TAOK3: variants seen among roughly 807,000 people sequenced by gnomAD.
TAOK3 encodes TAO kinase 3, also known as serine/threonine-protein kinase TAO3.
TAOK3 carries 40 observed loss-of-function variants against 120.4 expected under a neutral mutation model. The observed-to-expected ratio is 0.33, with a 90% CI of 0.26 to 0.43. The LOEUF (loss-of-function observed/expected upper bound fraction) is 0.43, where lower values mean the gene tolerates loss of function less well. TAOK3 is among the 20% of genes least tolerant of loss of function. The probability of loss-of-function intolerance (pLI) is 1.00; values close to 1 mark genes in which losing one functional copy is unlikely to be tolerated. For missense variants in TAOK3, 821 were observed against 1,112.1 expected (o/e 0.74, Z 3.72); for synonymous variants, 355 against 387.5 (o/e 0.92, Z 0.99).
chr12:118,187,440 T>C (rs2037143634), intron 14 of TAOK3, among the ~76,000 whole-genome samples: 1 of 152,158 alleles, frequency 6.6e-6, no homozygotes, highest in Non-Finnish European at 1.5e-5. Flanking sequence ...GATATTCCAG[T>C]GTCCTCATTT....
intron 1 of TAOK3, among the ~76,000 whole-genome samples, chr12:118,272,920 G>A (rs953565387): frequency 6.6e-6 from 1 of 151,982 alleles, no homozygotes; most frequent in Non-Finnish European, 1.5e-5. Context: ...AGGCTATAGT[G>A]AGCCGAGATT....
At chr12:118,213,175 T>C (rs2038715918) in intron 10 of TAOK3, among the ~76,000 whole-genome samples, 180 bp from the exon 11 acceptor site, 1 of 152,214 alleles carries the variant, frequency 6.6e-6, no homozygotes, top group East Asian at 1.9e-4. Context: ...TTTTGGATAA[T>C]GAGTGAGGAC....
intron 9 of TAOK3, among the ~76,000 whole-genome samples, chr12:118,217,815 AC>A (rs2038996934): frequency 3.5e-5 from 1 of 28,332 alleles, no homozygotes; most frequent in Non-Finnish European, 6.7e-5. Flanking sequence ...GTGTGTGTAT[AC>A]ATATATATAT....
At chr12:118,200,696 C>T (rs574886154) in intron 12 of TAOK3, 3 of 152,178 alleles carry the variant, frequency 2.0e-5, no homozygotes, top group African/African-American at 7.2e-5. Context: ...ACTCTTTCTC[C>T]CTGGTTCTTT....
At chr12:118,332,215 A>G (rs1309680015) in intron 1 of TAOK3, among the ~76,000 whole-genome samples, 1 of 152,174 alleles carries the variant, frequency 6.6e-6, no homozygotes, top group Non-Finnish European at 1.5e-5. Context: ...TTCTTTCTTA[A>G]GAAAGACAGA....
chr12:118,335,823 T>TA (rs2044347620), intron 1 of TAOK3, among the ~76,000 whole-genome samples: 1 of 152,134 alleles, frequency 6.6e-6, no homozygotes, highest in Non-Finnish European at 1.5e-5. Context: ...AGTGAGACTT[T>TA]ATCTCAAAAA....
chr12:118,361,468 T>A (rs1159158526), intron 1 of TAOK3, among the ~76,000 whole-genome samples: 1 of 151,956 alleles, frequency 6.6e-6, no homozygotes, highest in African/African-American at 2.4e-5. Flanking sequence ...TTTTCTTTTT[T>A]TTTTTTTGAG....
intron 11 of TAOK3, among the ~76,000 whole-genome samples, chr12:118,206,658 G>A (rs996757756): frequency 1.3e-5 from 2 of 151,640 alleles, no homozygotes; most frequent in Admixed American, 1.3e-4. Flanking sequence ...GTGCAGTGGC[G>A]CCATCTCAGC....
chr12:118,369,103 G>A (rs2045829039), intron 1 of TAOK3, among the ~76,000 whole-genome samples: 2 of 151,898 alleles, frequency 1.3e-5, no homozygotes, highest in South Asian at 4.1e-4. Flanking sequence ...CAAGAGGATC[G>A]CTTGATCTTG....
intron 9 of TAOK3, among the ~76,000 whole-genome samples, chr12:118,232,911 A>G (rs2039845669): frequency 6.6e-6 from 1 of 152,148 alleles, no homozygotes; most frequent in South Asian, 2.1e-4. Context: ...TCTCAAAAAA[A>G]ATAAATAAAT....
Position 118,151,067 on chromosome 12 carries a change from T to C in TAOK3, c.2627A>G (p.Asp876Gly). 6.2e-7 allele frequency: 1 copy of C among 1,613,550 alleles called. No homozygotes were observed. The highest frequency in any genetic ancestry group is 8.5e-7 in the Non-Finnish European group (1 of 1,179,956). Residue 876 changes from aspartate (D) to glycine (G), a missense_variant, in exon 21 of 21, where the codon GAC becomes GGC. Transcript: ENST00000392533. ...AAATCCCATTCTGAGGCTCTCCATG[T>C]CAAAAGTTTCAATCTCTCGCTCTTG... The part of the protein sequence containing the change: ...ERQEREIETF[D>G]MESLRMGFGN...
In TAOK3 at chr12:118,213,963, G is replaced by A. The variant is rs370334775; in HGVS notation, c.737+54C>T. The stretch of plus-strand genomic sequence containing the variant: ...ATTTAAAATGTAATGTAATAAAAAT[G>A]TCAAATACATACGGTGATTTTCTTA... On this transcript the variant is annotated intron_variant, in intron 10 of 20. Transcript: ENST00000392533. 7 of 1,441,202 alleles carry A rather than the reference G, an allele frequency of 4.9e-6. No homozygotes were observed. In the African/African-American group the frequency reaches 8.5e-5, roughly 17 times the overall value. 89.3% of individuals were successfully genotyped at this position (1,441,202 alleles called of 1,614,324 possible).
At chr12:118,181,065 G>C (rs999241042) in intron 15 of TAOK3, among the ~76,000 whole-genome samples, 14 of 151,996 alleles carry the variant, frequency 9.2e-5, no homozygotes, top group South Asian at 6.2e-4. Flanking sequence ...GGCTGGTCTC[G>C]AACTCCTGAC....
chr12:118,212,799 A>G, intron 11 of TAOK3, 115 bp downstream of exon 11: 2 of 636,294 alleles, frequency 3.1e-6, no homozygotes, highest in South Asian at 2.3e-5. Flanking sequence ...ATAAATGACA[A>G]GGCAGCACGT....
At chr12:118,225,635 G>A (rs1208601453) in intron 9 of TAOK3, among the ~76,000 whole-genome samples, 1 of 152,110 alleles carries the variant, frequency 6.6e-6, no homozygotes, top group African/African-American at 2.4e-5. Context: ...ACTGTAAGGT[G>A]TACTACCGTT....
intron 17 of TAOK3, among the ~76,000 whole-genome samples, chr12:118,166,925 G>A (rs146098464): frequency 6.6e-6 from 1 of 151,262 alleles, no homozygotes; most frequent in South Asian, 2.1e-4. Context: ...CCTTTCCCTC[G>A]GTCAATGTCC....
intron 15 of TAOK3, among the ~76,000 whole-genome samples, chr12:118,179,179 G>T (rs1282864719): frequency 6.6e-6 from 1 of 152,128 alleles, no homozygotes; most frequent in Non-Finnish European, 1.5e-5. Context: ...CAACCTGATT[G>T]TTCCTTCCAT....
At chr12:118,350,695 C>A (rs371765068) in intron 1 of TAOK3, among the ~76,000 whole-genome samples, 1 of 150,776 alleles carries the variant, frequency 6.6e-6, no homozygotes, top group African/African-American at 2.4e-5. Context: ...TCTGTCTCTA[C>A]TAAAAATACA....
intron 1 of TAOK3, among the ~76,000 whole-genome samples, chr12:118,299,632 C>T (rs898663267): frequency 1.3e-5 from 2 of 152,108 alleles, no homozygotes; most frequent in African/African-American, 4.8e-5. Context: ...GTCTCGGCCT[C>T]CCCACTAGCT....
Sources: gnomAD v4.1 joint callset for allele counts (sites outside exome capture counted in the v4.1 genomes callset) on GRCh38, gnomAD v4.1.1 for gene constraint, MANE v1.5 for transcripts, NCBI Gene and HGNC (gene_info 2026-07-23, HGNC 2026-07-21) for gene names.